Variants in OSBP2 observed in about 807,000 individuals in gnomAD.
The protein encoded by OSBP2 is oxysterol-binding protein 2.
A neutral mutation model predicts 96.0 loss-of-function variants in OSBP2; 66 were observed. That is an observed-to-expected ratio of 0.69 (90% CI 0.56 to 0.84). OSBP2 has a LOEUF of 0.84. OSBP2 is among the 40% of genes least tolerant of loss of function. The probability of loss-of-function intolerance (pLI) is 0.00; values close to 1 mark genes in which losing one functional copy is unlikely to be tolerated. For missense variants in OSBP2, 1,038 were observed against 1,222.7 expected (o/e 0.85, Z 2.25); for synonymous variants, 525 against 520.9 (o/e 1.01, Z -0.11).
chr22:30,698,143 C>G (rs571962470), intron 1 of OSBP2, among the ~76,000 whole-genome samples: 29 of 152,104 alleles, frequency 1.9e-4, no homozygotes, highest in Non-Finnish European at 3.8e-4. Context: ...GGTGGGTTTT[C>G]GGATGCGCCA....
In OSBP2 at chr22:30,893,604, G is replaced by T. The variant is rs202179339; in HGVS notation, c.2095-34G>T. 3.5e-3 allele frequency: 5,691 copies of T among 1,613,232 alleles called. 13 individuals are homozygous for T. The highest frequency in any genetic ancestry group is 4.5e-3 in the Non-Finnish European group (5,324 of 1,179,172). On this transcript the variant is annotated intron_variant, in intron 10 of 13. Coordinates refer to ENST00000332585, the MANE Select transcript of OSBP2 (RefSeq NM_030758.4). ...CTTGGGGAGGGGGTGCATGGCCCGG[G>T]GGCTGGCCGCTGACCACTGCCCTCC...
At chr22:30,773,756 G>A (rs990235426) in intron 2 of OSBP2, among the ~76,000 whole-genome samples, 2 of 152,068 alleles carry the variant, frequency 1.3e-5, no homozygotes, top group African/African-American at 4.8e-5. Flanking sequence ...AAGCAGTCTC[G>A]GGGTCCTCAC....
chr22:30,813,138 A>G (rs1003554359), intron 2 of OSBP2, among the ~76,000 whole-genome samples: 4 of 149,468 alleles, frequency 2.7e-5, no homozygotes, highest in African/African-American at 9.9e-5. Flanking sequence ...TAGTAGGGGG[A>G]AAATGGAGCC....
intron 2 of OSBP2, among the ~76,000 whole-genome samples, chr22:30,813,218 T>C (rs136242): frequency 0.48 from 66,558 of 138,572 alleles, 17,128 homozygotes; most frequent in African/African-American, 0.65. Context: ...CTTGCTCTGT[T>C]GCCCAGGCTG....
intron 2 of OSBP2, among the ~76,000 whole-genome samples, chr22:30,849,589 G>A (rs5997782): frequency 7.3e-4 from 111 of 152,272 alleles, no homozygotes; most frequent in African/African-American, 2.5e-3. Flanking sequence ...GGAGGGTGAT[G>A]TTTGCCTTAT....
At chr22:30,840,836 G>T (rs1374841124) in intron 2 of OSBP2, among the ~76,000 whole-genome samples, 1 of 151,392 alleles carries the variant, frequency 6.6e-6, no homozygotes, top group Admixed American at 6.6e-5. Context: ...CAGCTTTCTT[G>T]AGATATAATT....
At chr22:30,822,526 C>CGCCTCGACCCACGAGTGTCCGCT in intron 2 of OSBP2, 1 of 1,375,916 alleles carries the variant, frequency 7.3e-7, no homozygotes, top group Non-Finnish European at 9.4e-7. Flanking sequence ...GAGTGTCCGC[C>CGCCTCGACCCACGAGTGTCCGCT]GCCTCCGCCG....
intron 1 of OSBP2, among the ~76,000 whole-genome samples, chr22:30,718,746 C>CT (rs1363253295): frequency 6.6e-6 from 1 of 152,036 alleles, no homozygotes; most frequent in Non-Finnish European, 1.5e-5. Flanking sequence ...TTGTCTCCCC[C>CT]TTTTTTTTCC....
intron 2 of OSBP2, among the ~76,000 whole-genome samples, chr22:30,824,716 T>G (rs2038361306): frequency 6.6e-6 from 1 of 152,134 alleles, no homozygotes; most frequent in Non-Finnish European, 1.5e-5. Flanking sequence ...AAATTTCCCC[T>G]TAGGAAAGGG....
At chr22:30,835,718 C>CT (rs538763182) in intron 2 of OSBP2, among the ~76,000 whole-genome samples, 14,711 of 132,064 alleles carry the variant, frequency 0.11, 908 homozygotes, top group East Asian at 0.23. Flanking sequence ...TATGTAGTTA[C>CT]TTTTTTTTTT....
chr22:30,865,900 T>G lies in OSBP2; in HGVS notation c.854-4529T>G, dbSNP rs576712739. Among the ~76,000 whole-genome samples, 31 of 152,260 alleles carry G rather than the reference T, an allele frequency of 2.0e-4. No individual in the cohort carries two copies. In the South Asian group the frequency reaches 6.2e-3, roughly 31 times the overall value. On this transcript the variant is annotated intron_variant, in intron 2 of 13. Transcript: ENST00000332585. ...TCCCCACCCCAGGCTGCCACCTCCA[T>G]GCAGACAGCCTGGTCAGGAAGGCAA...
chr22:30,769,930 C>A (rs2090326092), intron 2 of OSBP2, among the ~76,000 whole-genome samples: 1 of 152,012 alleles, frequency 6.6e-6, no homozygotes, highest in African/African-American at 2.4e-5. Context: ...AGGGTGGGGC[C>A]AGGTGGAGAT....
rs1416293259 is a variant in OSBP2 at position 30,694,944 on chromosome 22, G to T, written c.35G>T (p.Gly12Val). The change falls in exon 1 of 14, where the codon GGC becomes GTC. Residue 12 changes from glycine (G) to valine (V), a missense_variant. Physicochemically the swap from Gly to Val is moderately radical, Grantham distance 109. Transcript: ENST00000332585. The stretch of plus-strand genomic sequence containing the variant: ...GCGGCGGCTCCGAGCCGAGGCGGCG[G>T]CTGTGGCGGCCGCTCCCGCGGGCTC... ...GKAAAPSRGG[G>V]CGGRSRGLSS... is the part of the protein sequence containing the mutation. 1.4e-6 allele frequency: 2 copies of T among 1,473,894 alleles called. No individual in the cohort carries two copies. Among genetic ancestry groups the T allele is most frequent in the Admixed American group, 4.7e-5 (2 of 42,672 alleles). The allele number at this position is 1,473,894 out of a possible 1,614,324, so 91.3% of individuals were successfully genotyped here. A position where few individuals can be genotyped will look rare whatever the true frequency, so the allele number is the denominator to read the frequency against.
chr22:30,749,285 T>C (rs2090044106), intron 2 of OSBP2, among the ~76,000 whole-genome samples: 1 of 152,226 alleles, frequency 6.6e-6, no homozygotes, highest in Admixed American at 6.5e-5. Context: ...AAACTAAGAA[T>C]GCTTTTGTGT....
intron 2 of OSBP2, among the ~76,000 whole-genome samples, chr22:30,788,533 A>G (rs746600435): frequency 2.0e-5 from 3 of 152,170 alleles, no homozygotes; most frequent in Admixed American, 6.5e-5. Flanking sequence ...AAGGAGCACA[A>G]AATGATTTTG....
At chr22:30,775,938 G>A (rs1191972887) in intron 2 of OSBP2, among the ~76,000 whole-genome samples, 2 of 151,504 alleles carry the variant, frequency 1.3e-5, no homozygotes, top group Non-Finnish European at 1.5e-5. Flanking sequence ...TGGGACTATA[G>A]GAAGGCACCA....
At chr22:30,767,797 T>C (rs1569114997) in intron 2 of OSBP2, among the ~76,000 whole-genome samples, 1 of 152,092 alleles carries the variant, frequency 6.6e-6, no homozygotes, top group Non-Finnish European at 1.5e-5. Context: ...ATCCGGGCCC[T>C]TCTCAAGGAA....
chr22:30,805,011 T>G (rs1360264988), intron 2 of OSBP2, among the ~76,000 whole-genome samples: 1 of 152,230 alleles, frequency 6.6e-6, no homozygotes, highest in East Asian at 1.9e-4. Flanking sequence ...GATTGATCTA[T>G]CTATCTATAT....
At chr22:30,830,041 G>T (rs535267438) in intron 2 of OSBP2, among the ~76,000 whole-genome samples, 9 of 152,132 alleles carry the variant, frequency 5.9e-5, no homozygotes, top group Non-Finnish European at 1.0e-4. Flanking sequence ...TGGGACTGAG[G>T]GGTTTGCTGG....
Sources: gnomAD v4.1 joint callset for allele counts (sites outside exome capture counted in the v4.1 genomes callset) on GRCh38, gnomAD v4.1.1 for gene constraint, MANE v1.5 for transcripts, NCBI Gene and HGNC (gene_info 2026-07-23, HGNC 2026-07-21) for gene names.